Variants in CLVS1 observed in about 807,000 individuals in gnomAD.
CLVS1 encodes the protein clavesin-1.
A neutral mutation model predicts 33.1 loss-of-function variants in CLVS1; 10 were observed. That is an observed-to-expected ratio of 0.30 (90% CI 0.19 to 0.51). The LOEUF is 0.51. Ranked by LOEUF, CLVS1 falls within the 20% of genes least tolerant of loss-of-function variation. The pLI, the probability that CLVS1 is intolerant of heterozygous loss-of-function variation, is 0.97. For missense variants in CLVS1, 343 were observed against 433.4 expected (o/e 0.79, Z 1.85); for synonymous variants, 163 against 166.1 (o/e 0.98, Z 0.14).
intron 2 of CLVS1, among the ~76,000 whole-genome samples, chr8:61,260,458 C>A (rs1334974116): frequency 6.6e-6 from 1 of 152,226 alleles, no homozygotes; most frequent in African/African-American, 2.4e-5. Flanking sequence ...GACATCTGTT[C>A]TCCCTCTTCT....
chr8:60,993,288 T>G, the CLVS1 span, among the ~76,000 whole-genome samples: 1 of 152,204 alleles, frequency 6.6e-6, no homozygotes, highest in African/African-American at 2.4e-5. Context: ...CAATCTAGTC[T>G]CAGTTAATGT....
chr8:61,015,677 C>A, the CLVS1 span, among the ~76,000 whole-genome samples: 1 of 152,188 alleles, frequency 6.6e-6, no homozygotes, highest in African/African-American at 2.4e-5. Context: ...AAGGGTGGGG[C>A]AGGGGTTGGA....
chr8:61,376,461 C>A, intron 2 of CLVS1, 144 bp from the exon 3 acceptor site: 1 of 652,936 alleles, frequency 1.5e-6, no homozygotes, highest in Non-Finnish European at 2.5e-6. Context: ...AATGTATTTT[C>A]AGTCCCTTTG....
intron 5 of CLVS1, among the ~76,000 whole-genome samples, chr8:61,490,926 ACTCCAGC>A (rs1451111356): frequency 3.3e-5 from 5 of 151,014 alleles, no homozygotes; most frequent in African/African-American, 1.2e-4. Context: ...GCACCACTGC[ACTCCAGC>A]CTGGGCAACA....
intron 1 of CLVS1, among the ~76,000 whole-genome samples, chr8:61,293,717 G>C (rs974319002): frequency 1.3e-5 from 2 of 151,970 alleles, no homozygotes; most frequent in South Asian, 4.1e-4. Context: ...AGAGCTATAA[G>C]GGTTAACCCA....
At chr8:61,172,832 T>G (rs1807033078) in intron 2 of CLVS1, among the ~76,000 whole-genome samples, 1 of 152,200 alleles carries the variant, frequency 6.6e-6, no homozygotes, top group African/African-American at 2.4e-5. Flanking sequence ...CTTCTGTGGT[T>G]GCTACCCTTG....
chr8:61,231,286 GCA>G lies in CLVS1; in HGVS notation c.-151-68371_-151-68370del, dbSNP rs4033613. Reference sequence around the variant, plus strand: ...CCCATGCATATAGGCACCTGTGCTTGCACACACACACACACACACACTCTAAT... The same window carrying G: ...CCCATGCATATAGGCACCTGTGCTTGCACACACACACACACACACTCTAAT... On this transcript the variant is annotated intron_variant, in intron 2 of 2. Transcript: ENST00000522621. Among the ~76,000 whole-genome samples the G allele has an allele frequency of 4.9e-3, 733 of 150,018 alleles. 3 individuals carry two copies. The highest frequency in any genetic ancestry group is 0.015 in the African/African-American group (615 of 40,474).
rs1188366643 is a variant in CLVS1, at chr8:61,246,167, C to CTTTTTTTTTTTTTTTTTTTTT, written c.-151-53501_-151-53481dup. Among the ~76,000 whole-genome samples the CTTTTTTTTTTTTTTTTTTTTT allele has an allele frequency of 8.5e-5, 7 of 82,210 alleles. 2 individuals carry two copies. Among genetic ancestry groups the CTTTTTTTTTTTTTTTTTTTTT allele is most frequent in the Non-Finnish European group, 1.6e-4 (7 of 43,752 alleles). 53.9% of individuals were successfully genotyped at this position (82,210 alleles called of 152,430 possible). The stretch of plus-strand genomic sequence containing the variant: ...AAACCCTTTTTCTCTTCCTTCCCAA[C>CTTTTTTTTTTTTTTTTTTTTT]TTTTTTTTTTTTTTTTTTTTTTTTT... On this transcript the variant is annotated intron_variant, in intron 2 of 2. Coordinates refer to the CLVS1 transcript ENST00000522621.
intron 2 of CLVS1, among the ~76,000 whole-genome samples, chr8:61,218,315 T>A (rs530519002): frequency 6.1e-5 from 9 of 148,608 alleles, no homozygotes; most frequent in African/African-American, 2.2e-4. Context: ...GGAATACTAC[T>A]CAGCCATAAA....
intron 1 of CLVS1, among the ~76,000 whole-genome samples, chr8:61,066,444 A>G (rs1438194928): frequency 6.6e-6 from 1 of 152,102 alleles, no homozygotes; most frequent in Non-Finnish European, 1.5e-5. Context: ...GGCTGCAGTG[A>G]GCTATGATTT....
At chr8:61,095,983 G>C (rs901848575) in intron 1 of CLVS1, among the ~76,000 whole-genome samples, 2 of 152,166 alleles carry the variant, frequency 1.3e-5, no homozygotes, top group Non-Finnish European at 2.9e-5. Context: ...TTTCAACAGA[G>C]GAAACAGAGA....
At position 61,277,890 on chromosome 8, in the gene CLVS1, A is replaced by T. The variant is rs142456295; in HGVS notation, c.-151-21787A>T. Among the ~76,000 whole-genome samples, 8 of 152,340 alleles carry T rather than the reference A, an allele frequency of 5.3e-5. No homozygotes were observed. The East Asian group carries it at 1.5e-3, about 29-fold the overall frequency. On this transcript the variant is annotated intron_variant, in intron 2 of 2. Coordinates refer to the CLVS1 transcript ENST00000522621. ...TTAGAGAAGTGACAAGACAAAAAAA[A>T]AGGACTTTGAGTCTCTGTGTGCAGC...
At chr8:61,131,035 C>A (rs1806085085) in intron 1 of CLVS1, among the ~76,000 whole-genome samples, 1 of 152,192 alleles carries the variant, frequency 6.6e-6, no homozygotes, top group African/African-American at 2.4e-5. Context: ...GGTTATTTTT[C>A]TATGTGCTCA....
intron 1 of CLVS1, among the ~76,000 whole-genome samples, chr8:61,070,250 C>T (rs1178676342): frequency 2.0e-5 from 3 of 152,144 alleles, no homozygotes; most frequent in Admixed American, 6.5e-5. Context: ...GTTTTGTGTG[C>T]GTCTCTCATA....
At chr8:61,119,912 G>A (rs1167738870) in intron 1 of CLVS1, among the ~76,000 whole-genome samples, 1 of 137,028 alleles carries the variant, frequency 7.3e-6, no homozygotes, top group African/African-American at 2.9e-5. Flanking sequence ...GAATTTGAAT[G>A]TTGGCCTGCC....
At chr8:61,164,457 A>T (rs1271998560) in intron 2 of CLVS1, among the ~76,000 whole-genome samples, 1 of 152,206 alleles carries the variant, frequency 6.6e-6, no homozygotes, top group Non-Finnish European at 1.5e-5. Context: ...CCACCCAAAC[A>T]TTGCGATTCC....
intron 1 of CLVS1, among the ~76,000 whole-genome samples, chr8:61,087,006 C>T (rs906406130): frequency 2.0e-5 from 3 of 152,214 alleles, no homozygotes; most frequent in African/African-American, 4.8e-5. Flanking sequence ...CAGGGCTAAA[C>T]AGGACAGACC....
In CLVS1 at chr8:61,499,570, C is replaced by T. The variant is rs1161213680; in HGVS notation, c.*28C>T. 1 of 1,569,012 alleles carries T rather than the reference C, an allele frequency of 6.4e-7. No homozygotes were observed. Among genetic ancestry groups the T allele is most frequent in the Non-Finnish European group, 8.8e-7 (1 of 1,139,332 alleles). On this transcript the variant is annotated 3_prime_UTR_variant, in exon 6 of 6. Transcript: ENST00000325897. ...CCTGAGTCACCCCAATGCTCCTGCA[C>T]ACTGGCCTTCAGTGGTATCAGCCAC...
chr8:61,465,879 G>A (rs892353160), intron 5 of CLVS1: 8 of 152,218 alleles, frequency 5.3e-5, no homozygotes, highest in Admixed American at 2.0e-4. Flanking sequence ...GACCAGGATG[G>A]TCTCGATCTC....
Sources: gnomAD v4.1 joint callset for allele counts (sites outside exome capture counted in the v4.1 genomes callset) on GRCh38, gnomAD v4.1.1 for gene constraint, MANE v1.5 for transcripts, NCBI Gene and HGNC (gene_info 2026-07-23, HGNC 2026-07-21) for gene names.